The following UGT1A8 variants were observed in gnomAD, a reference collection of about 807,000 sequenced individuals.
The protein encoded by UGT1A8 is UDP glucuronosyltransferase family 1 member A8, also known as UDP-glucuronosyltransferase 1A8.
Under a neutral mutation model 45.3 loss-of-function variants are expected in UGT1A8, and 39 were observed. The ratio of observed to expected loss-of-function variants is 0.86; its 90% CI spans 0.67 to 1.12. The LOEUF (loss-of-function observed/expected upper bound fraction) is 1.12. Among genes scored for constraint, UGT1A8 ranks in the 50% most tolerant of loss-of-function variants. UGT1A8 has a pLI of 0.00. For missense variants in UGT1A8, 719 were observed against 664.9 expected (o/e 1.08, Z -0.90); for synonymous variants, 275 against 249.2 (o/e 1.10, Z -0.97).
chr2:233,690,781 AC>A (rs1264855580), intron 1 of UGT1A8: 128 of 621,102 alleles, frequency 2.1e-4, no homozygotes, highest in Non-Finnish European at 2.5e-4. Flanking sequence ...ACACATACAC[AC>A]ACACACACAC....
At chr2:233,687,046 G>A (rs940789522) in intron 1 of UGT1A8, among the ~76,000 whole-genome samples, 1 of 152,158 alleles carries the variant, frequency 6.6e-6, no homozygotes, top group East Asian at 1.9e-4. Flanking sequence ...TTGAGCACGC[G>A]GACCCTGGAG....
rs17862841 is a variant in UGT1A8 at position 233,618,138 on chromosome 2, C to T, written c.431C>T (p.Ala144Val). 8,252 of 1,613,944 alleles carry T rather than the reference C, an allele frequency of 5.1e-3. 32 individuals are homozygous for T. The highest frequency in any genetic ancestry group is 8.6e-3 in the South Asian group (780 of 91,064). ...VEYLKESSFD[A>V]VFLDPFDACG... ...TACTTAAAGGAGAGTTCTTTTGATG[C>T]GGTGTTTCTTGATCCTTTTGATGCC... The change falls in exon 1 of 5, where the codon GCG becomes GTG. Residue 144 changes from alanine (A) to valine (V), a missense_variant. Coordinates refer to ENST00000373450, the MANE Select transcript of UGT1A8 (RefSeq NM_019076.5).
chr2:233,622,453 G>A (rs1054568558), intron 1 of UGT1A8, among the ~76,000 whole-genome samples: 5 of 152,152 alleles, frequency 3.3e-5, no homozygotes, highest in African/African-American at 9.7e-5. Context: ...TCTCATTGTG[G>A]TTTTGATTTG....
intron 1 of UGT1A8, among the ~76,000 whole-genome samples, chr2:233,688,668 C>T (rs1348030404): frequency 1.3e-5 from 2 of 152,120 alleles, no homozygotes; most frequent in African/African-American, 4.8e-5. Flanking sequence ...GCAGCTGGCT[C>T]TTTTTTAAAA....
intron 1 of UGT1A8, among the ~76,000 whole-genome samples, chr2:233,640,525 T>C (rs1036409057): frequency 6.6e-6 from 1 of 152,208 alleles, no homozygotes; most frequent in Non-Finnish European, 1.5e-5. Context: ...ATACAACATC[T>C]TTTTATGTTG....
At chr2:233,696,873 C>A (rs993552389) in intron 1 of UGT1A8, among the ~76,000 whole-genome samples, 1 of 152,154 alleles carries the variant, frequency 6.6e-6, no homozygotes, top group African/African-American at 2.4e-5. Flanking sequence ...TCAGCATCTA[C>A]AACATATGAG....
In UGT1A8 at chr2:233,681,960, G is replaced by T. The variant is rs2074547389; in HGVS notation, c.855+63398G>T. 7 of 1,613,878 alleles carry T rather than the reference G, an allele frequency of 4.3e-6. No individual in the cohort carries two copies. In the East Asian group the frequency reaches 1.3e-4, roughly 31 times the overall value. On this transcript the variant is annotated intron_variant, in intron 1 of 4. Transcript: ENST00000373450. The stretch of plus-strand genomic sequence containing the variant: ...CTGATGGCTCGTGCAGGGTGGACTG[G>T]CCTCCTTCCCCTATATGTGTGTCTA...
chr2:233,648,562 G>A (rs563356418), intron 1 of UGT1A8: 29 of 189,798 alleles, frequency 1.5e-4, no homozygotes, highest in East Asian at 2.9e-4. Context: ...CCGGGTTCAC[G>A]CCATTCCTCT....
intron 1 of UGT1A8, among the ~76,000 whole-genome samples, chr2:233,694,485 A>G (rs2075222976): frequency 6.6e-6 from 1 of 152,214 alleles, no homozygotes; most frequent in South Asian, 2.1e-4. Context: ...CTGACCTAAG[A>G]CAAGTGTTTA....
chr2:233,743,311 AT>A, intron 1 of UGT1A8: 5 of 650,736 alleles, frequency 7.7e-6, no homozygotes, highest in South Asian at 3.0e-5. Context: ...CTTGGTGGTG[AT>A]TTTTTTACCA....
At chr2:233,719,240 C>T (rs753605986) in intron 1 of UGT1A8, 10 of 1,614,038 alleles carry the variant, frequency 6.2e-6, no homozygotes, top group Non-Finnish European at 8.5e-6. Context: ...TGATCAGGCA[C>T]CTGAATGCTA....
At chr2:233,712,374 T>A (rs1160539437) in intron 1 of UGT1A8, among the ~76,000 whole-genome samples, 2 of 152,226 alleles carry the variant, frequency 1.3e-5, no homozygotes, top group Admixed American at 6.5e-5. Context: ...CAGCTTTTTT[T>A]ATATTGACAG....
chr2:233,626,227 AG>A, intron 1 of UGT1A8, among the ~76,000 whole-genome samples: 1 of 152,148 alleles, frequency 6.6e-6, no homozygotes, highest in Admixed American at 6.6e-5. Flanking sequence ...AGTGCCCATA[AG>A]GGTTCATGTT....
chr2:233,666,321 C>G (rs1226202212), intron 1 of UGT1A8, among the ~76,000 whole-genome samples: 4 of 152,202 alleles, frequency 2.6e-5, no homozygotes, highest in African/African-American at 9.6e-5. Flanking sequence ...AATTTCAACA[C>G]TTGATTTGGG....
chr2:233,695,081 C>T (rs188923779), intron 1 of UGT1A8, among the ~76,000 whole-genome samples: 1 of 151,880 alleles, frequency 6.6e-6, no homozygotes, highest in Non-Finnish European at 1.5e-5. Context: ...TGGACTTACT[C>T]ATTCTATCTA....
chr2:233,755,009 G>A (rs1198421851), intron 1 of UGT1A8: 5 of 1,292,374 alleles, frequency 3.9e-6, no homozygotes, highest in East Asian at 4.6e-5. Context: ...AGACCTACTC[G>A]AAGGGGTCCT....
intron 1 of UGT1A8, among the ~76,000 whole-genome samples, chr2:233,665,400 C>G (rs5008749): frequency 2.0e-5 from 3 of 152,206 alleles, no homozygotes; most frequent in African/African-American, 4.8e-5. Context: ...TCATCATGTG[C>G]ATCCCCAGCA....
chr2:233,712,229 A>G (rs939024540), intron 1 of UGT1A8, among the ~76,000 whole-genome samples: 2 of 152,174 alleles, frequency 1.3e-5, no homozygotes, highest in African/African-American at 4.8e-5. Context: ...TGAACCCACC[A>G]TGGGTCTTTG....
At chr2:233,639,985 G>A (rs775214198) in intron 1 of UGT1A8, among the ~76,000 whole-genome samples, 1 of 152,168 alleles carries the variant, frequency 6.6e-6, no homozygotes, top group African/African-American at 2.4e-5. Flanking sequence ...GGTTTTAGGG[G>A]AAAAGAATTC....
Sources: allele counts gnomAD v4.1 joint callset (sites outside exome capture counted in the v4.1 genomes callset), GRCh38; gene constraint gnomAD v4.1.1; transcripts MANE v1.5; gene names NCBI Gene and HGNC (gene_info 2026-07-23, HGNC 2026-07-21).